Variants in ADGRD2 observed in about 807,000 individuals in gnomAD.
The protein encoded by ADGRD2 is G protein-coupled receptor PGR24.
Under a neutral mutation model 44.4 loss-of-function variants are expected in ADGRD2, and 71 were observed. The ratio of observed to expected loss-of-function variants is 1.60; its 90% CI spans 1.32 to 1.95. The LOEUF is 1.95. ADGRD2 is among the 30% of genes most tolerant of loss of function. ADGRD2 has a pLI of 0.00. For synonymous variants in ADGRD2, 481 were observed against 224.8 expected (o/e 2.14, Z -10.19); for missense variants, 1,039 against 512.4 (o/e 2.03, Z -9.92).
chr9:124,460,631 A>G (rs1053707265), intron 10 of ADGRD2, among the ~76,000 whole-genome samples: 5 of 151,656 alleles, frequency 3.3e-5, no homozygotes, highest in Non-Finnish European at 5.9e-5. Context: ...GCACATTTCA[A>G]TAGCTCATTC....
At chr9:124,465,488 A>G (rs962049366) in intron 10 of ADGRD2, 9 of 151,874 alleles carry the variant, frequency 5.9e-5, no homozygotes, top group African/African-American at 2.2e-4. Context: ...AGTAGCTGAG[A>G]TTACAGGCGC....
chr9:124,452,345 A>G, intron 1 of ADGRD2, 165 bp from the exon 5 acceptor site: 3 of 643,742 alleles, frequency 4.7e-6, no homozygotes, highest in Non-Finnish European at 5.7e-6. Context: ...CAGATGACGA[A>G]AAGAGCTCTG....
chr9:124,453,162 G>T (rs1451331171), exon 3 of ADGRD2: 8 of 699,706 alleles, frequency 1.1e-5, no homozygotes, highest in African/African-American at 1.1e-4. Context: ...ACTGTGCCTC[G>T]CCCGACCCCG....
chr9:124,478,438 G>A (rs1311560404), exon 22 of ADGRD2: 1 of 152,462 alleles, frequency 6.6e-6, no homozygotes, highest in East Asian at 1.9e-4. Context: ...AAGGACTGTG[G>A]GCCTCAGCCC....
chr9:124,477,002 G>A lies in ADGRD2; in HGVS notation c.*18+293G>A, dbSNP rs1310799685. ...GTCCTCCCCTCTCTCTGCCCAGGGG[G>A]GCGCTGCCAAGGAGCACAGCCTGCC... On this transcript the variant is annotated intron_variant, in intron 21 of 21. Coordinates refer to ENST00000334810, the Ensembl canonical transcript of ADGRD2. 4.5e-6 allele frequency: 3 copies of A among 659,722 alleles called. No homozygotes were observed. In the African/African-American group the frequency reaches 5.4e-5, roughly 12 times the overall value. 40.9% of individuals were successfully genotyped at this position (659,722 alleles called of 1,614,324 possible). A position where few individuals can be genotyped will look rare whatever the true frequency, so the allele number is the denominator to read the frequency against.
At chr9:124,469,610 G>A (rs1831906792) in intron 16 of ADGRD2, 63 bp downstream of exon 19, 4 of 706,182 alleles carry the variant, frequency 5.7e-6, no homozygotes, top group African/African-American at 1.7e-5. Flanking sequence ...GGCGCCAGGC[G>A]TGAGGCTCAC....
exon 2 of ADGRD2, chr9:124,452,539 A>T (rs1456194766): frequency 1.4e-6 from 1 of 718,550 alleles, no homozygotes; most frequent in Admixed American, 2.0e-5. Context: ...GGTGGTGAAG[A>T]CTGCAGGTGG....
intron 17 of ADGRD2, among the ~76,000 whole-genome samples, chr9:124,473,101 G>T (rs528900550): frequency 6.6e-6 from 1 of 152,234 alleles, no homozygotes; most frequent in South Asian, 2.1e-4. Context: ...GTCCACCAAG[G>T]TCTCTCTGTG....
Position 124,470,476 on chromosome 9 carries a change from C to G in ADGRD2, c.2638-18C>G, listed in dbSNP as rs777901708. On this transcript the variant is annotated intron_variant, in intron 16 of 21. Transcript: ENST00000334810. ...CCAGGCCTCCCAACCCCCGTCAGCC[C>G]TGCCTGCCCTCCTACAGGGCCACGG... The G allele has an allele frequency of 1.4e-6, 1 of 706,780 alleles. No homozygotes were observed. The highest frequency in any genetic ancestry group is 2.6e-6 in the Non-Finnish European group (1 of 382,894). The allele number at this position is 706,780 out of a possible 1,614,324, so 43.8% of individuals were successfully genotyped here.
exon 3 of ADGRD2, chr9:124,453,453 C>G: frequency 1.5e-6 from 1 of 684,596 alleles, no homozygotes; most frequent in Non-Finnish European, 2.7e-6. Flanking sequence ...TGGTGCTGGG[C>G]CAGGATCAGG....
At position 124,476,778 on chromosome 9, in the gene ADGRD2, C is replaced by T. The variant is rs1832056681; in HGVS notation, c.*18+69C>T. On this transcript the variant is annotated intron_variant, in intron 21 of 21. Transcript: ENST00000334810. ...CTGGACACCCCCTAAGCCCCCCGTA[C>T]CAGGATGGAAGTGATTTCAAATTAA... 5.9e-6 allele frequency: 4 copies of T among 676,160 alleles called. No individual in the cohort carries two copies. In the East Asian group the frequency reaches 8.1e-5, roughly 14 times the overall value. The allele number at this position is 676,160 out of a possible 1,614,324, so 41.9% of individuals were successfully genotyped here. A position where few individuals can be genotyped will look rare whatever the true frequency, so the allele number is the denominator to read the frequency against.
chr9:124,460,403 A>G (rs1017067123), intron 10 of ADGRD2, among the ~76,000 whole-genome samples: 9 of 148,178 alleles, frequency 6.1e-5, no homozygotes, highest in Non-Finnish European at 8.9e-5. Context: ...TTTTTAGTAG[A>G]GATGGGGTTT....
At chr9:124,470,749 T>C (rs975998267) in intron 17 of ADGRD2, 135 bp downstream of exon 20, 12 of 589,200 alleles carry the variant, frequency 2.0e-5, no homozygotes, top group Admixed American at 1.1e-4. Flanking sequence ...GGACATCCTA[T>C]CTAAGAAGGG....
rs750377126 is a variant in ADGRD2 at position 124,455,130 on chromosome 9, G to T, written c.1393+3G>T. On this transcript the variant is annotated splice_donor_region_variant and intron_variant, in intron 6 of 21. Transcript: ENST00000334810. ...ACACATGGCTCTCCCTCCGTGAAGT[G>T]AGGCTGGCAGGGCTGGGTGGGGCAG... 2 of 695,864 alleles carry T rather than the reference G, an allele frequency of 2.9e-6. No individual in the cohort carries two copies. Among genetic ancestry groups the T allele is most frequent in the South Asian group, 1.5e-5 (1 of 65,834 alleles). The allele number at this position is 695,864 out of a possible 1,614,324, so 43.1% of individuals were successfully genotyped here. A position where few individuals can be genotyped will look rare whatever the true frequency, so the allele number is the denominator to read the frequency against.
At chr9:124,455,045 A>T (rs1249976181) in exon 6 of ADGRD2, 2 of 718,140 alleles carry the variant, frequency 2.8e-6, no homozygotes, top group Non-Finnish European at 2.6e-6. Flanking sequence ...GGCCCCTGGG[A>T]GCAGCTGAGC....
At chr9:124,476,695 C>T in exon 21 of ADGRD2, 3 of 702,368 alleles carry the variant, frequency 4.3e-6, no homozygotes, top group South Asian at 3.0e-5. Flanking sequence ...GAACTGACAG[C>T]GTTCAAAGCT....
rs1350486458 is a variant in ADGRD2, at chr9:124,468,198, G to A, written c.2233+8G>A. 1 of 718,358 alleles carries A rather than the reference G, an allele frequency of 1.4e-6. No homozygotes were observed. Among genetic ancestry groups the A allele is most frequent in the South Asian group, 1.5e-5 (1 of 67,608 alleles). The allele number at this position is 718,358 out of a possible 1,614,324, so 44.5% of individuals were successfully genotyped here. A position where few individuals can be genotyped will look rare whatever the true frequency, so the allele number is the denominator to read the frequency against. ...TGGGCCAAGGCCAATGAGGTGGGCA[G>A]CCAGTGGGTGGGCTGGAAGCCCGGG... On this transcript the variant is annotated splice_region_variant and intron_variant, in intron 13 of 21. Coordinates refer to ENST00000334810, the Ensembl canonical transcript of ADGRD2.
upstream of ADGRD2, chr9:124,451,997 G>GCCGGGGGGGGCCCCCCCCCCCCCCC: frequency 2.8e-6 from 1 of 360,938 alleles, no homozygotes; most frequent in Non-Finnish European, 5.5e-6. Context: ...TCCACTGAAT[G>GCCGGGGGGGGCCCCCCCCCCCCCCC]CCCCCCTCCC....
At chr9:124,451,994 A>C, upstream of ADGRD2, 1 of 436,816 alleles carries the variant, frequency 2.3e-6, no homozygotes, top group Non-Finnish European at 4.7e-6. Context: ...GCTTCCACTG[A>C]ATGCCCCCCT....
Sources: gnomAD v4.1 joint callset for allele counts (sites outside exome capture counted in the v4.1 genomes callset) on GRCh38, gnomAD v4.1.1 for gene constraint, MANE v1.5 for transcripts, NCBI Gene and HGNC (gene_info 2026-07-23, HGNC 2026-07-21) for gene names.